LARS1: variants seen among roughly 807,000 people sequenced by gnomAD.
The protein encoded by LARS1 is leucyl-tRNA synthetase 1.
In LARS1, 100 loss-of-function variants were observed where a neutral mutation model predicts 162.8. The observed-to-expected ratio is 0.61, with a 90% CI of 0.52 to 0.73. LARS1 has a LOEUF of 0.73. Ranked by LOEUF, LARS1 falls within the 30% of genes least tolerant of loss-of-function variation. The pLI is 0.00. For synonymous variants in LARS1, 457 were observed against 462.8 expected (o/e 0.99, Z 0.16); for missense variants, 1,258 against 1,408.9 (o/e 0.89, Z 1.71).
At chr5:146,139,699 C>T (rs993143701) in intron 21 of LARS1, 3 of 153,102 alleles carry the variant, frequency 2.0e-5, no homozygotes, top group East Asian at 3.8e-4. Context: ...GGTGAAATCC[C>T]GTCTCTACTA....
chr5:146,165,190 C>T (rs557514270), intron 5 of LARS1, among the ~76,000 whole-genome samples: 59 of 152,032 alleles, frequency 3.9e-4, no homozygotes, highest in African/African-American at 1.2e-3. Flanking sequence ...GAAAATTAGC[C>T]GGGCATGGTG....
intron 18 of LARS1, 87 bp from the exon 19 acceptor site, chr5:146,143,637 A>G: frequency 8.5e-7 from 1 of 1,181,368 alleles, no homozygotes; most frequent in East Asian, 2.4e-5. Flanking sequence ...TATAACATTT[A>G]CAAAGCTACT....
chr5:146,114,025 G>A lies in LARS1; in HGVS notation c.*81C>T, dbSNP rs1052291100. ...ATCAATCTATTTAGGTCCAGCCTAA[G>A]GTTCTGATAGCCAATCAGTAGACAC... On this transcript the variant is annotated 3_prime_UTR_variant, in exon 32 of 32. Transcript: ENST00000394434. 9.6e-7 allele frequency: 1 copy of A among 1,045,462 alleles called. No homozygotes were observed. The highest frequency in any genetic ancestry group is 1.7e-5 in the Admixed American group (1 of 58,520). The allele number at this position is 1,045,462 out of a possible 1,614,324, so 64.8% of individuals were successfully genotyped here.
At position 146,140,249 on chromosome 5, in the gene LARS1, A is replaced by G. The variant is rs1374516821; in HGVS notation, c.2103T>C (p.Pro701=). 1.9e-6 allele frequency: 3 copies of G among 1,610,176 alleles called. No individual in the cohort carries two copies. The highest frequency in any genetic ancestry group is 2.2e-5 in the South Asian group (2 of 91,042). The change falls in exon 21 of 32, where the codon CCT becomes CCC. Residue 701 remains proline, a synonymous_variant. Transcript: ENST00000394434. ...GATGTCCATTTGCTCTCACAGCTGT[A>G]GGCCATTTGTCACTTCACAGATAAA... ...AMWPEQSDKW[P]TAVRANGHLL...
At chr5:146,122,838 A>C (rs1751886075) in intron 29 of LARS1, among the ~76,000 whole-genome samples, 2 of 152,046 alleles carry the variant, frequency 1.3e-5, no homozygotes, top group South Asian at 4.1e-4. Flanking sequence ...TCTGGCATCT[A>C]TCTGCCATAT....
chr5:146,158,406 T>C (rs548614733), intron 8 of LARS1, among the ~76,000 whole-genome samples: 32 of 152,322 alleles, frequency 2.1e-4, no homozygotes, highest in African/African-American at 7.5e-4. Flanking sequence ...TACATCAAAA[T>C]TGAAGGCTGA....
At chr5:146,136,900 TCCTTTTTCC>T (rs1252952655) in intron 21 of LARS1, among the ~76,000 whole-genome samples, 1 of 152,194 alleles carries the variant, frequency 6.6e-6, no homozygotes, top group Non-Finnish European at 1.5e-5. Context: ...AACTATTTTC[TCCTTTTTCC>T]CTTTTTTTGA....
At chr5:146,181,702 T>A (rs1041135341) in intron 1 of LARS1, among the ~76,000 whole-genome samples, 1 of 151,816 alleles carries the variant, frequency 6.6e-6, no homozygotes, top group Admixed American at 6.6e-5. Context: ...CACCGTACAC[T>A]CCCTAGCACC....
intron 15 of LARS1, among the ~76,000 whole-genome samples, chr5:146,148,582 A>G (rs146046291): frequency 6.2e-4 from 95 of 152,354 alleles, no homozygotes; most frequent in Non-Finnish European, 9.1e-4. Flanking sequence ...AACATTTGTT[A>G]TAACTACAGT....
chr5:146,115,137 T>C (rs1335914854), intron 31 of LARS1, among the ~76,000 whole-genome samples: 2 of 151,584 alleles, frequency 1.3e-5, no homozygotes, highest in Non-Finnish European at 2.9e-5. Context: ...GCTCAAAGTG[T>C]CAGAGATTCT....
chr5:146,173,632 C>G (rs1754375970), intron 2 of LARS1, among the ~76,000 whole-genome samples: 1 of 151,198 alleles, frequency 6.6e-6, no homozygotes, highest in Admixed American at 6.6e-5. Flanking sequence ...AGCCACCATG[C>G]TTGGTCTGTA....
intron 10 of LARS1, among the ~76,000 whole-genome samples, chr5:146,155,723 T>C (rs1370529091): frequency 6.6e-6 from 1 of 152,244 alleles, no homozygotes; most frequent in Non-Finnish European, 1.5e-5. Context: ...TGAAACTATT[T>C]TGCAATTTAT....
At chr5:146,134,510 A>G (rs1752425285) in intron 22 of LARS1, among the ~76,000 whole-genome samples, 1 of 152,230 alleles carries the variant, frequency 6.6e-6, no homozygotes, top group Non-Finnish European at 1.5e-5. Context: ...ACCAATGACT[A>G]ATTATATAAG....
intron 15 of LARS1, among the ~76,000 whole-genome samples, chr5:146,146,364 G>A (rs1422273126): frequency 1.1e-5 from 1 of 90,156 alleles, no homozygotes; most frequent in Non-Finnish European, 3.0e-5. Context: ...AGAAAGAGAA[G>A]AGAGAGAGAG....
intron 22 of LARS1, among the ~76,000 whole-genome samples, chr5:146,134,771 A>G (rs1752435651): frequency 6.6e-6 from 1 of 152,186 alleles, no homozygotes; most frequent in Non-Finnish European, 1.5e-5. Context: ...CAACAAGGCA[A>G]AACCCCGTCT....
intron 18 of LARS1, among the ~76,000 whole-genome samples, chr5:146,143,941 G>A (rs1385589836): frequency 1.3e-5 from 2 of 152,160 alleles, no homozygotes; most frequent in African/African-American, 4.8e-5. Context: ...GGCAGAGGTT[G>A]CAGTGAGCTG....
chr5:146,129,374 T>C (rs1451447261), intron 25 of LARS1, among the ~76,000 whole-genome samples: 1 of 152,196 alleles, frequency 6.6e-6, no homozygotes, highest in African/African-American at 2.4e-5. Context: ...ATATGCTCAC[T>C]TTCAAAGAAA....
intron 22 of LARS1, among the ~76,000 whole-genome samples, chr5:146,134,675 A>G (rs887410507): frequency 2.6e-5 from 4 of 152,202 alleles, no homozygotes; most frequent in Non-Finnish European, 5.9e-5. Flanking sequence ...CAGGCCAGGC[A>G]TGGTGGCTCA....
rs138927149 is a variant in LARS1, at chr5:146,122,694, A to C, written c.3097-107T>G. On this transcript the variant is annotated intron_variant, in intron 29 of 31. Transcript: ENST00000394434. ...AAAACTAGGTTCTCCAGTTAACATGAAATGGTCTGTGCAATTTTATTATTT... is the reference window on the plus strand; with the variant it reads ...AAAACTAGGTTCTCCAGTTAACATGCAATGGTCTGTGCAATTTTATTATTT... 1.3e-4 allele frequency: 67 copies of C among 528,104 alleles called. 1 individual carries two copies. In the East Asian group the frequency reaches 1.9e-3, roughly 15 times the overall value. The allele number at this position is 528,104 out of a possible 1,614,324, so 32.7% of individuals were successfully genotyped here.
Sources: gnomAD v4.1 joint callset for allele counts (sites outside exome capture counted in the v4.1 genomes callset) on GRCh38, gnomAD v4.1.1 for gene constraint, MANE v1.5 for transcripts, NCBI Gene and HGNC (gene_info 2026-07-23, HGNC 2026-07-21) for gene names.